COL6A5: variants seen among roughly 807,000 people sequenced by gnomAD.
The protein encoded by COL6A5 is collagen alpha-5(VI) chain.
In COL6A5, 48 loss-of-function variants were observed where a neutral mutation model predicts 65.6. The ratio of observed to expected loss-of-function variants is 0.73; its 90% CI spans 0.58 to 0.93. COL6A5 has a LOEUF of 0.93. Among genes scored for constraint, COL6A5 ranks in the 40% least tolerant of loss-of-function variants. The pLI is 0.00. For missense variants in COL6A5, 914 were observed against 928.3 expected, an observed-to-expected ratio of 0.98 and a Z score of 0.20; for synonymous variants, 291 against 322.8, an observed-to-expected ratio of 0.90 and a Z score of 1.05.
At chr3:130,446,144 G>T (rs189465030) in intron 4 of COL6A5, among the ~76,000 whole-genome samples, 27 of 152,204 alleles carry the variant, frequency 1.8e-4, no homozygotes, top group East Asian at 5.8e-4. Flanking sequence ...GGCACAGAGG[G>T]GGGTATTTAT....
chr3:130,414,362 T>C (rs1162417405), intron 22 of COL6A5, among the ~76,000 whole-genome samples: 1 of 152,108 alleles, frequency 6.6e-6, no homozygotes, highest in Non-Finnish European at 1.5e-5. Flanking sequence ...TCACCTGGTA[T>C]TGTGTCTTCT....
intron 4 of COL6A5, among the ~76,000 whole-genome samples, chr3:130,381,356 A>C (rs1935987089): frequency 6.6e-6 from 1 of 152,140 alleles, no homozygotes; most frequent in Admixed American, 6.6e-5. Context: ...GGTTGAGAAA[A>C]ATATTCCATT....
intron 14 of COL6A5, 105 bp downstream of exon 14, chr3:130,405,764 T>C (rs1456241154): frequency 9.9e-7 from 1 of 1,006,816 alleles, no homozygotes; most frequent in African/African-American, 1.6e-5. Flanking sequence ...CACTCCTCTC[T>C]CTTTTCCTTT....
At chr3:130,412,141 A>G (rs559359928) in intron 20 of COL6A5, among the ~76,000 whole-genome samples, 3 of 152,244 alleles carry the variant, frequency 2.0e-5, no homozygotes, top group South Asian at 2.1e-4. Context: ...TCAAGGCCCT[A>G]TGCTTTTTGC....
intron 7 of COL6A5, among the ~76,000 whole-genome samples, chr3:130,481,801 G>A (rs887028240): frequency 3.3e-5 from 5 of 152,150 alleles, no homozygotes; most frequent in Non-Finnish European, 7.3e-5. Context: ...GATCAGTGAT[G>A]ATGAGCCTTT....
chr3:130,413,723 C>A, intron 21 of COL6A5, 143 bp downstream of exon 21: 1 of 847,464 alleles, frequency 1.2e-6, no homozygotes. Context: ...CCCACTGACC[C>A]AATAATCACT....
chr3:130,472,029 G>A, intron 7 of COL6A5, 103 bp downstream of exon 40: 2 of 1,144,506 alleles, frequency 1.7e-6, no homozygotes, highest in East Asian at 2.6e-5. Context: ...AGGTAGAGAT[G>A]ACAGGATGAG....
chr3:130,437,212 T>A (rs1039240804), intron 1 of COL6A5, among the ~76,000 whole-genome samples: 1 of 152,164 alleles, frequency 6.6e-6, no homozygotes, highest in Non-Finnish European at 1.5e-5. Flanking sequence ...TATATGTACA[T>A]ATATACACTA....
Position 130,405,661 on chromosome 3 carries a change from T to G in COL6A5, c.4353+2T>G, listed in dbSNP as rs1177821149. 1.9e-6 allele frequency: 3 copies of G among 1,545,304 alleles called. No homozygotes were observed. The highest frequency in any genetic ancestry group is 2.6e-6 in the Non-Finnish European group (3 of 1,141,404). Reference sequence around the variant, plus strand: ...TGTCCAGGGGCGTGGGGTCAGAAGGTAAGGCTCTTCTGTAAATGTTATTTC... The same window carrying G: ...TGTCCAGGGGCGTGGGGTCAGAAGGGAAGGCTCTTCTGTAAATGTTATTTC... On this transcript the variant is annotated splice_donor_variant and NMD_transcript_variant, in intron 14 of 41. Transcript: ENST00000312481.
intron 4 of COL6A5, among the ~76,000 whole-genome samples, chr3:130,451,381 G>A (rs760316958): frequency 2.6e-5 from 4 of 152,184 alleles, no homozygotes; most frequent in East Asian, 1.9e-4. Flanking sequence ...GGGCATTGGA[G>A]GAGCAGAAGG....
At chr3:130,378,695 C>G (rs1486515218) in intron 3 of COL6A5, among the ~76,000 whole-genome samples, 1 of 152,066 alleles carries the variant, frequency 6.6e-6, no homozygotes, top group Non-Finnish European at 1.5e-5. Flanking sequence ...TTCTATCTGC[C>G]GGAATTCCTC....
chr3:130,432,759 G>C lies in COL6A5; in HGVS notation c.487+810G>C, dbSNP rs376377406. 1.4e-3 allele frequency among the ~76,000 whole-genome samples: 209 copies of C among 152,240 alleles called. 4 individuals are homozygous for C. The South Asian group carries it at 0.043, about 31-fold the overall frequency. Reference sequence around the variant, plus strand: ...CACAGAACAGCTGGCCTTAACCAGTGATGGAAGAAGTTCAGGGGATCTTTG... The same window carrying C: ...CACAGAACAGCTGGCCTTAACCAGTCATGGAAGAAGTTCAGGGGATCTTTG... On this transcript the variant is annotated intron_variant, in intron 1 of 7. Transcript: ENST00000512836.
At chr3:130,437,356 C>G (rs970133336) in intron 1 of COL6A5, among the ~76,000 whole-genome samples, 4 of 151,960 alleles carry the variant, frequency 2.6e-5, no homozygotes, top group Non-Finnish European at 5.9e-5. Flanking sequence ...CAGAATTTGA[C>G]CACTTCATAG....
At chr3:130,434,031 A>G (rs1937935006) in intron 1 of COL6A5, among the ~76,000 whole-genome samples, 1 of 151,766 alleles carries the variant, frequency 6.6e-6, no homozygotes, top group Non-Finnish European at 1.5e-5. Flanking sequence ...ACATAGGTAT[A>G]CATGTGCCAT....
At chr3:130,376,643 G>A in exon 3 of COL6A5, 1 of 1,612,764 alleles carries the variant, frequency 6.2e-7, no homozygotes, top group Non-Finnish European at 8.5e-7. Context: ...AAGCCCTGCA[G>A]AAAGACGGGG....
At chr3:130,353,406 A>C (rs1934793854) in intron 1 of COL6A5, among the ~76,000 whole-genome samples, 1 of 152,264 alleles carries the variant, frequency 6.6e-6, no homozygotes, top group Non-Finnish European at 1.5e-5. Flanking sequence ...TGTTTCAGTC[A>C]ACAAAACTCC....
At chr3:130,402,924 C>T (rs908422868) in intron 12 of COL6A5, among the ~76,000 whole-genome samples, 2 of 152,164 alleles carry the variant, frequency 1.3e-5, no homozygotes. Context: ...ACTGTCCATC[C>T]TTATGGAAGG....
chr3:130,434,507 G>A (rs1057002795), intron 1 of COL6A5, among the ~76,000 whole-genome samples: 3 of 152,132 alleles, frequency 2.0e-5, no homozygotes, highest in Admixed American at 1.3e-4. Context: ...TTGAGGAATC[G>A]TCATGCTGTC....
intron 5 of COL6A5, among the ~76,000 whole-genome samples, chr3:130,386,128 G>GAAAAT (rs1936178810): frequency 6.6e-6 from 1 of 152,102 alleles, no homozygotes; most frequent in South Asian, 2.1e-4. Flanking sequence ...ATTAGCACAT[G>GAAAAT]AAAATATTGC....
Sources: allele counts gnomAD v4.1 joint callset (sites outside exome capture counted in the v4.1 genomes callset), GRCh38; gene constraint gnomAD v4.1.1; transcripts MANE v1.5; gene names NCBI Gene and HGNC (gene_info 2026-07-23, HGNC 2026-07-21).